SEMA3D: variants seen among roughly 807,000 people sequenced by gnomAD.
The protein encoded by SEMA3D is semaphorin 3D.
In SEMA3D, 84 loss-of-function variants were observed where a neutral mutation model predicts 100.1. That is an observed-to-expected ratio of 0.84 (90% CI 0.70 to 1.01). The LOEUF (loss-of-function observed/expected upper bound fraction) is 1.01, where lower values mean the gene tolerates loss of function less well. Among genes scored for constraint, SEMA3D ranks in the 50% least tolerant of loss-of-function variants. The probability of loss-of-function intolerance (pLI) is 0.00; values close to 1 mark genes in which losing one functional copy is unlikely to be tolerated. For synonymous variants in SEMA3D, 312 were observed against 320.7 expected, an observed-to-expected ratio of 0.97 and a Z score of 0.29; for missense variants, 875 against 934.1, an observed-to-expected ratio of 0.94 and a Z score of 0.82.
At chr7:85,029,328 G>T in intron 12 of SEMA3D, 1 of 1,329,388 alleles carries the variant, frequency 7.5e-7, no homozygotes, top group Non-Finnish European at 1.1e-6. Context: ...AAACTGAGAA[G>T]TACAAAGCTG....
chr7:85,004,428 A>C (rs139276947), intron 18 of SEMA3D, among the ~76,000 whole-genome samples: 1 of 152,140 alleles, frequency 6.6e-6, no homozygotes, highest in African/African-American at 2.4e-5. Context: ...TTACTTATTC[A>C]GATCCCAAAA....
At chr7:85,228,882 C>T in the SEMA3D span, among the ~76,000 whole-genome samples, 1 of 151,950 alleles carries the variant, frequency 6.6e-6, no homozygotes, top group South Asian at 2.1e-4. Flanking sequence ...TGTCTTGTGG[C>T]CTGTTTTTTA....
chr7:85,220,080 T>C, the SEMA3D span, among the ~76,000 whole-genome samples: 1 of 152,008 alleles, frequency 6.6e-6, no homozygotes, highest in African/African-American at 2.4e-5. Context: ...CTAACTGTAA[T>C]AATAAAAAAA....
At chr7:85,022,692 A>G (rs2115854723) in intron 12 of SEMA3D, 79 bp from the exon 13 acceptor site, 2 of 856,344 alleles carry the variant, frequency 2.3e-6, no homozygotes, top group South Asian at 2.8e-5. Context: ...TAAAATTTGT[A>G]TAGCTTATCA....
At chr7:85,147,967 T>C (rs1348084914) in intron 2 of SEMA3D, among the ~76,000 whole-genome samples, 4 of 152,124 alleles carry the variant, frequency 2.6e-5, no homozygotes, top group African/African-American at 9.7e-5. Flanking sequence ...TTGGGTTTTA[T>C]TCTCTCAAAC....
chr7:85,121,753 G>C lies in SEMA3D; in HGVS notation c.139C>G (p.Leu47Val), dbSNP rs750088677. The C allele has an allele frequency of 2.5e-6, 4 of 1,575,914 alleles. No individual in the cohort carries two copies. The highest frequency in any genetic ancestry group is 3.5e-6 in the Non-Finnish European group (4 of 1,153,876). Residue 47 changes from leucine to valine, a missense_variant, in exon 3 of 19, where the codon CTA becomes GTA. Coordinates refer to ENST00000284136, the MANE Select transcript of SEMA3D (RefSeq NM_001384900.1). ...TLKQNIPRLK[L>V]TYKDLLLSNS... ...TGTATATATTTACCTTTGTAGGTTA[G>C]CTTGAGTCTTGGAATATTTTGCTTC...
chr7:85,040,570 C>A, intron 11 of SEMA3D, 103 bp downstream of exon 11: 1 of 642,162 alleles, frequency 1.6e-6, no homozygotes, highest in Non-Finnish European at 2.8e-6. Context: ...AAAAAGTTTA[C>A]GATATGCTAC....
intron 5 of SEMA3D, among the ~76,000 whole-genome samples, chr7:85,078,248 T>C (rs1787943696): frequency 6.6e-6 from 1 of 151,614 alleles, no homozygotes; most frequent in African/African-American, 2.4e-5. Flanking sequence ...ACAATGAACA[T>C]TCTATTTTAG....
chr7:85,002,411 A>AGAT (rs1348291692), intron 18 of SEMA3D, among the ~76,000 whole-genome samples: 2 of 152,214 alleles, frequency 1.3e-5, no homozygotes, highest in African/African-American at 4.8e-5. Context: ...CATTTTGAAT[A>AGAT]GATATATTTA....
chr7:85,125,736 G>A (rs368241080), intron 2 of SEMA3D, among the ~76,000 whole-genome samples: 4 of 151,870 alleles, frequency 2.6e-5, no homozygotes, highest in East Asian at 1.9e-4. Context: ...TGGGTTAAAC[G>A]TCTTGCCAAC....
chr7:85,167,325 G>C (rs138655895), intron 1 of SEMA3D: 1 of 982,588 alleles, frequency 1.0e-6, no homozygotes, highest in Non-Finnish European at 1.2e-6. Context: ...GTCAAGGGTG[G>C]TGATGTTCTC....
chr7:85,067,060 A>C (rs1480185715), intron 7 of SEMA3D, among the ~76,000 whole-genome samples: 3 of 152,190 alleles, frequency 2.0e-5, no homozygotes, highest in African/African-American at 7.2e-5. Flanking sequence ...ATTTTTTAAA[A>C]AGAATAAAAT....
At chr7:85,060,887 A>G (rs1022933636) in intron 8 of SEMA3D, among the ~76,000 whole-genome samples, 1 of 152,206 alleles carries the variant, frequency 6.6e-6, no homozygotes, top group Non-Finnish European at 1.5e-5. Flanking sequence ...ATTTAAAACA[A>G]AAGTTCTCAT....
intron 9 of SEMA3D, among the ~76,000 whole-genome samples, chr7:85,042,552 G>A (rs1455278922): frequency 1.3e-5 from 2 of 151,958 alleles, no homozygotes; most frequent in Non-Finnish European, 2.9e-5. Flanking sequence ...GGTAAAGGCA[G>A]CTTGAAATCA....
At chr7:85,170,552 T>C (rs907865849) in intron 1 of SEMA3D, among the ~76,000 whole-genome samples, 2 of 151,900 alleles carry the variant, frequency 1.3e-5, no homozygotes, top group East Asian at 3.9e-4. Flanking sequence ...TAGGGCAAAA[T>C]CATAAACCAT....
chr7:85,186,179 C>A (rs113860922), intron 1 of SEMA3D, among the ~76,000 whole-genome samples: 3 of 152,174 alleles, frequency 2.0e-5, no homozygotes, highest in African/African-American at 4.8e-5. Context: ...AGGAAAGGAG[C>A]GAGCGAGGGC....
At chr7:85,146,184 C>A (rs879319588) in intron 2 of SEMA3D, among the ~76,000 whole-genome samples, 2 of 152,098 alleles carry the variant, frequency 1.3e-5, no homozygotes, top group African/African-American at 2.4e-5. Context: ...TCTTACAGTT[C>A]TTTAATGAGA....
the SEMA3D span, among the ~76,000 whole-genome samples, chr7:85,244,325 A>G: frequency 6.6e-6 from 1 of 152,162 alleles, no homozygotes; most frequent in Non-Finnish European, 1.5e-5. Flanking sequence ...GCATTAATCT[A>G]TTCATGAGGG....
At chr7:85,155,137 C>CTT (rs887735435) in intron 1 of SEMA3D, among the ~76,000 whole-genome samples, 4 of 148,674 alleles carry the variant, frequency 2.7e-5, no homozygotes, top group Admixed American at 6.7e-5. Context: ...AGATTCTACA[C>CTT]TTTTTTTTTT....
Sources: allele counts gnomAD v4.1 joint callset (sites outside exome capture counted in the v4.1 genomes callset), GRCh38; gene constraint gnomAD v4.1.1; transcripts MANE v1.5; gene names NCBI Gene and HGNC (gene_info 2026-07-23, HGNC 2026-07-21).